LAIR1: variants seen among roughly 807,000 people sequenced by gnomAD.
The protein encoded by LAIR1 is leukocyte associated immunoglobulin like receptor 1.
A neutral mutation model predicts 32.8 loss-of-function variants in LAIR1; 24 were observed. The observed-to-expected ratio is 0.73, with a 90% CI of 0.53 to 1.03. The LOEUF (loss-of-function observed/expected upper bound fraction) is 1.03, where lower values mean the gene tolerates loss of function less well. Ranked by LOEUF, LAIR1 falls within the 50% of genes least tolerant of loss-of-function variation. LAIR1 has a pLI of 0.00. For synonymous variants in LAIR1, 150 were observed against 140.5 expected, an observed-to-expected ratio of 1.07 and a Z score of -0.48; for missense variants, 355 against 347.5, an observed-to-expected ratio of 1.02 and a Z score of -0.17.
At chr19:54,356,728 T>C in intron 5 of LAIR1, 109 bp from the exon 6 acceptor site, 1 of 1,268,792 alleles carries the variant, frequency 7.9e-7, no homozygotes, top group South Asian at 1.3e-5. Flanking sequence ...ATAAAATATC[T>C]TAGGTAAATA....
chr19:54,362,801 A>G (rs2082088707), intron 2 of LAIR1, among the ~76,000 whole-genome samples: 2 of 152,172 alleles, frequency 1.3e-5, no homozygotes, highest in South Asian at 4.1e-4. Context: ...GGTCATTTTT[A>G]AAATGAATTA....
At chr19:54,363,266 T>G (rs1173790818) in intron 2 of LAIR1, among the ~76,000 whole-genome samples, 1 of 150,716 alleles carries the variant, frequency 6.6e-6, no homozygotes, top group African/African-American at 2.4e-5. Flanking sequence ...GAGGGAAAGA[T>G]GAGAAAAATT....
chr19:54,358,585 T>C (rs1225207647), intron 4 of LAIR1: 5 of 1,607,682 alleles, frequency 3.1e-6, no homozygotes, highest in Non-Finnish European at 4.3e-6. Flanking sequence ...TCCTCATTCT[T>C]GGTGCATCAA....
chr19:54,375,524 G>A (rs116632812), upstream of LAIR1, among the ~76,000 whole-genome samples: 1,108 of 152,282 alleles, frequency 7.3e-3, 6 homozygotes, highest in African/African-American at 0.025. Context: ...CCATACGCCC[G>A]GCCCGAACGT....
At chr19:54,367,873 C>T (rs1401197926), upstream of LAIR1, among the ~76,000 whole-genome samples, 19 of 147,406 alleles carry the variant, frequency 1.3e-4, no homozygotes, top group South Asian at 6.5e-4. Context: ...CCCGGGTTCA[C>T]GCCATTCTCC....
upstream of LAIR1, among the ~76,000 whole-genome samples, chr19:54,369,485 A>T (rs2122645891): frequency 6.6e-6 from 1 of 151,522 alleles, no homozygotes. Context: ...GAAGGGTGAT[A>T]CAGAGCTGTC....
upstream of LAIR1, among the ~76,000 whole-genome samples, chr19:54,375,306 C>G (rs895452230): frequency 7.2e-5 from 11 of 152,166 alleles, no homozygotes; most frequent in African/African-American, 2.2e-4. Context: ...AGGGAAAGTC[C>G]AGGAAGAAAG....
intron 7 of LAIR1, 34 bp downstream of exon 7, chr19:54,356,322 G>A (rs180967992): frequency 6.2e-7 from 1 of 1,603,828 alleles, no homozygotes; most frequent in Non-Finnish European, 8.5e-7. Flanking sequence ...CGAGGACTGG[G>A]TGGAGGTCCA....
chr19:54,365,111 G>A, upstream of LAIR1: 3 of 1,201,384 alleles, frequency 2.5e-6, no homozygotes, highest in South Asian at 2.7e-5. Flanking sequence ...GGACAAGGCA[G>A]AATAAAGGTC....
At chr19:54,360,745 G>A (rs189644453) in intron 3 of LAIR1, 171 bp downstream of exon 3, 602,084 of 629,348 alleles carry the variant, frequency 0.96, 292,134 homozygotes, top group Non-Finnish European at 0.98. Flanking sequence ...CTAAGCAGGT[G>A]TGAGGGCAGA....
intron 5 of LAIR1, 51 bp downstream of exon 5, chr19:54,356,877 T>C (rs777078228): frequency 1.9e-6 from 3 of 1,606,282 alleles, no homozygotes; most frequent in African/African-American, 1.3e-5. Context: ...CTCTTTCTCC[T>C]TCCCCAAGAG....
upstream of LAIR1, among the ~76,000 whole-genome samples, chr19:54,374,252 T>C (rs1047254058): frequency 3.7e-4 from 57 of 152,228 alleles, no homozygotes; most frequent in African/African-American, 1.3e-3. Context: ...TAGAAGGAAA[T>C]CAAAACCAAA....
In LAIR1 at chr19:54,355,900, AT is replaced by A; in HGVS notation, c.717+53del. 1 of 1,268,164 alleles carries A rather than the reference AT, an allele frequency of 7.9e-7. No homozygotes were observed. The allele number at this position is 1,268,164 out of a possible 1,614,324, so 78.6% of individuals were successfully genotyped here. ...TGAATTCCTAACCCAAGGAACTGAG[AT>A]TTTTTTAAGCTGCTAAATTTGGGGT... On this transcript the variant is annotated intron_variant, in intron 9 of 9. Transcript: ENST00000391742. The surrounding 1 kb of genome is among the most constrained non-coding windows in gnomAD (Gnocchi z 4.7).
At chr19:54,362,996 A>T (rs534793250) in intron 2 of LAIR1, among the ~76,000 whole-genome samples, 1 of 151,300 alleles carries the variant, frequency 6.6e-6, no homozygotes, top group Non-Finnish European at 1.5e-5. Flanking sequence ...TTCTATCTGA[A>T]GATAAACAGG....
In LAIR1 at chr19:54,356,005, G is replaced by T; in HGVS notation, c.666C>A (p.Asp222Glu). Residue 222 changes from aspartate (D) to glutamate (E), a missense_variant and splice_region_variant, in exon 9 of 10, where the codon GAC becomes GAA. Transcript: ENST00000391742. ...LAVDVLERTA[D>E]KATVNGLPEK... ...CAGGAAGTCCATTGACTGTGGCCTT[G>T]TCTTGGGGAGAAAATACATGGTCAG... The T allele has an allele frequency of 6.2e-7, 1 of 1,608,512 alleles. No homozygotes were observed.
chr19:54,356,809 C>G, intron 5 of LAIR1, 119 bp downstream of exon 5: 1 of 1,359,332 alleles, frequency 7.4e-7, no homozygotes. Context: ...GAGTCCTCTG[C>G]ACAGGGACAC....
chr19:54,357,159 A>C, intron 4 of LAIR1, 193 bp from the exon 5 acceptor site: 1 of 587,412 alleles, frequency 1.7e-6, no homozygotes, highest in Admixed American at 3.0e-5. Flanking sequence ...CCAGCATGAG[A>C]GTCACACATA....
In LAIR1 at chr19:54,356,960, G is replaced by A. The variant is rs747359644; in HGVS notation, c.422C>T (p.Thr141Met). ...DTEPGSSAGPTQRPSDNSHNE... is the reference protein window; with the variant it reads ...DTEPGSSAGPMQRPSDNSHNE... Reference sequence around the variant, plus strand: ...GTGACTGTTGTCCGACGGCCTCTGCGTGGGTCCTGGGAGGGAGGAATCAGA... The same window carrying A: ...GTGACTGTTGTCCGACGGCCTCTGCATGGGTCCTGGGAGGGAGGAATCAGA... The change falls in exon 5 of 10, where the codon ACG becomes ATG. Residue 141 changes from threonine to methionine, a missense_variant. Physicochemically the swap from Thr to Met is moderately conservative, Grantham distance 81. Coordinates refer to ENST00000391742, the MANE Select transcript of LAIR1 (RefSeq NM_002287.6). 11 of 1,613,814 alleles carry A rather than the reference G, an allele frequency of 6.8e-6. No homozygotes were observed. Among genetic ancestry groups the A allele is most frequent in the South Asian group, 1.1e-5 (1 of 91,004 alleles).
chr19:54,356,830 T>C (rs563629853), intron 5 of LAIR1, 98 bp downstream of exon 5: 2 of 1,469,270 alleles, frequency 1.4e-6, no homozygotes, highest in East Asian at 2.4e-5. Flanking sequence ...AGACTGCCAT[T>C]GGCAGAGCAG....
Sources: allele counts gnomAD v4.1 joint callset (sites outside exome capture counted in the v4.1 genomes callset), GRCh38; gene constraint gnomAD v4.1.1; non-coding constraint Gnocchi (gnomAD v3.1); transcripts MANE v1.5; gene names NCBI Gene and HGNC (gene_info 2026-07-23, HGNC 2026-07-21).